CCSER1: variants seen among roughly 807,000 people sequenced by gnomAD.
The protein encoded by CCSER1 is serine-rich coiled-coil domain-containing protein 1.
A neutral mutation model predicts 82.0 loss-of-function variants in CCSER1; 41 were observed. The ratio of observed to expected loss-of-function variants is 0.50; its 90% confidence interval spans 0.39 to 0.65. CCSER1 has a LOEUF of 0.65. Ranked by LOEUF, CCSER1 falls within the 30% of genes least tolerant of loss-of-function variation. The pLI is 0.00. For synonymous variants in CCSER1, 414 were observed against 383.9 expected, an observed-to-expected ratio of 1.08 and a Z score of -0.92; for missense variants, 1,119 against 1,064.2, an observed-to-expected ratio of 1.05 and a Z score of -0.72.
intron 7 of CCSER1, among the ~76,000 whole-genome samples, chr4:90,727,911 T>C (rs1478340453): frequency 6.6e-6 from 1 of 152,206 alleles, no homozygotes; most frequent in Non-Finnish European, 1.5e-5. Context: ...CTGTACTGTA[T>C]TATATTTATC....
At chr4:91,512,858 T>G (rs1578662323) in intron 10 of CCSER1, among the ~76,000 whole-genome samples, 1 of 152,316 alleles carries the variant, frequency 6.6e-6, no homozygotes, top group Admixed American at 6.5e-5. Context: ...CCAGGAGCCT[T>G]TTGGTGGAGT....
intron 9 of CCSER1, among the ~76,000 whole-genome samples, chr4:90,969,078 G>T (rs1266814619): frequency 6.6e-6 from 1 of 151,762 alleles, no homozygotes; most frequent in African/African-American, 2.4e-5. Flanking sequence ...ATCTGTGAAT[G>T]TAAAGACAGG....
chr4:90,276,251 T>TTTCTTTCTTTCTTCCCTTCCTTCCTTCC (rs1727659770), intron 1 of CCSER1, among the ~76,000 whole-genome samples: 5 of 76,850 alleles, frequency 6.5e-5, no homozygotes, highest in African/African-American at 2.6e-4. Flanking sequence ...TCTTTCTTTC[T>TTTCTTTCTTTCTTCCCTTCCTTCCTTCC]TTCCTTCCTT....
chr4:90,776,142 A>G (rs1580412700), intron 7 of CCSER1, among the ~76,000 whole-genome samples: 1 of 152,178 alleles, frequency 6.6e-6, no homozygotes, highest in Non-Finnish European at 1.5e-5. Context: ...CAGTAAAACA[A>G]TTGTACTGTA....
chr4:91,208,586 G>A (rs1044577778), intron 10 of CCSER1, among the ~76,000 whole-genome samples: 5 of 151,666 alleles, frequency 3.3e-5, no homozygotes, highest in Non-Finnish European at 5.9e-5. Flanking sequence ...ATTCATCTGC[G>A]TGCCTGTTTT....
At chr4:90,271,862 ATTTT>A (rs1176154331) in intron 1 of CCSER1, among the ~76,000 whole-genome samples, 136 of 21,606 alleles carry the variant, frequency 6.3e-3, no homozygotes, top group Admixed American at 0.011. Context: ...ATATATATAT[ATTTT>A]TTTTTTTTTT....
intron 5 of CCSER1, among the ~76,000 whole-genome samples, chr4:90,568,904 AT>A (rs1779764034): frequency 6.6e-6 from 1 of 151,734 alleles, no homozygotes; most frequent in African/African-American, 2.4e-5. Context: ...AGTAGCTGGG[AT>A]TACAGGCGCC....
At chr4:91,037,255 C>T (rs5025351) in intron 9 of CCSER1, among the ~76,000 whole-genome samples, 58,136 of 113,952 alleles carry the variant, frequency 0.51, 11,947 homozygotes, top group East Asian at 0.65. Flanking sequence ...CACACACACA[C>T]ACATACATAC....
At chr4:90,931,862 A>C (rs1729867316) in intron 9 of CCSER1, among the ~76,000 whole-genome samples, 1 of 152,204 alleles carries the variant, frequency 6.6e-6, no homozygotes, top group South Asian at 2.1e-4. Context: ...ACCTTTTGCC[A>C]GTGAAATAAC....
intron 7 of CCSER1, among the ~76,000 whole-genome samples, chr4:90,750,802 A>G (rs1359324900): frequency 6.6e-6 from 1 of 152,182 alleles, no homozygotes; most frequent in Admixed American, 6.6e-5. Context: ...CTTTGTAGAA[A>G]GGACCAAATT....
At chr4:91,279,336 T>C (rs1742732258) in intron 10 of CCSER1, among the ~76,000 whole-genome samples, 1 of 151,558 alleles carries the variant, frequency 6.6e-6, no homozygotes, top group South Asian at 2.1e-4. Context: ...GTGTTTTGTA[T>C]TCCTTTTATT....
At chr4:90,642,513 C>T (rs1050071001) in intron 6 of CCSER1, 7 of 152,152 alleles carry the variant, frequency 4.6e-5, no homozygotes, top group Non-Finnish European at 1.0e-4. Context: ...AGTAGATAGA[C>T]ATTTACTATT....
At chr4:90,146,042 T>C (rs1209401902) in intron 1 of CCSER1, among the ~76,000 whole-genome samples, 2 of 152,074 alleles carry the variant, frequency 1.3e-5, no homozygotes, top group African/African-American at 4.8e-5. Context: ...TACTCTTACC[T>C]TCCCAAGACT....
chr4:90,545,635 C>T (rs1458320856), intron 5 of CCSER1, among the ~76,000 whole-genome samples: 2 of 152,152 alleles, frequency 1.3e-5, no homozygotes, highest in East Asian at 3.9e-4. Flanking sequence ...CCCTGCCCCT[C>T]CCAAATTCAC....
At chr4:91,237,619 G>A (rs954001512) in intron 10 of CCSER1, among the ~76,000 whole-genome samples, 1 of 152,148 alleles carries the variant, frequency 6.6e-6, no homozygotes, top group South Asian at 2.1e-4. Flanking sequence ...CTTATTTGGG[G>A]TTTTGAAGGT....
chr4:90,729,428 A>G (rs1744302888), intron 7 of CCSER1, among the ~76,000 whole-genome samples: 2 of 152,224 alleles, frequency 1.3e-5, no homozygotes, highest in Non-Finnish European at 2.9e-5. Flanking sequence ...AGTTGAGCTC[A>G]TATATCAGAT....
chr4:90,897,243 G>T (rs1010096414), intron 8 of CCSER1, among the ~76,000 whole-genome samples: 2 of 151,906 alleles, frequency 1.3e-5, no homozygotes, highest in Non-Finnish European at 2.9e-5. Flanking sequence ...AAATAGTGAA[G>T]AGAGTATCCA....
intron 10 of CCSER1, among the ~76,000 whole-genome samples, chr4:91,140,208 A>G (rs1728894232): frequency 6.6e-6 from 1 of 151,920 alleles, no homozygotes; most frequent in Non-Finnish European, 1.5e-5. Flanking sequence ...CACACCATTT[A>G]TATTTGGTAA....
At chr4:90,572,573 G>GTTA (rs150107460) in intron 5 of CCSER1, among the ~76,000 whole-genome samples, 101 of 150,510 alleles carry the variant, frequency 6.7e-4, no homozygotes, top group East Asian at 1.6e-3. Flanking sequence ...TTGAGCGCAC[G>GTTA]TTATTATTAT....
Sources: gnomAD v4.1 joint callset for allele counts (sites outside exome capture counted in the v4.1 genomes callset) on GRCh38, gnomAD v4.1.1 for gene constraint, MANE v1.5 for transcripts, NCBI Gene and HGNC (gene_info 2026-07-23, HGNC 2026-07-21) for gene names.